The following SGCZ variants were observed in gnomAD, a reference collection of about 807,000 sequenced individuals.
The protein encoded by SGCZ is zeta-sarcoglycan.
In SGCZ, 40 loss-of-function variants were observed where a neutral mutation model predicts 41.3. The ratio of observed to expected loss-of-function variants is 0.97; its 90% CI spans 0.75 to 1.26. The LOEUF is 1.26. Ranked by LOEUF, SGCZ falls within the 50% of genes most tolerant of loss-of-function variation. The pLI, the probability that SGCZ is intolerant of heterozygous loss-of-function variation, is 0.00. For synonymous variants in SGCZ, 206 were observed against 137.5 expected, an observed-to-expected ratio of 1.50 and a Z score of -3.49; for missense variants, 552 against 369.8, an observed-to-expected ratio of 1.49 and a Z score of -4.04.
chr8:14,573,341 G>A (rs978268490), intron 1 of SGCZ, among the ~76,000 whole-genome samples: 1 of 151,706 alleles, frequency 6.6e-6, no homozygotes, highest in South Asian at 2.1e-4. Flanking sequence ...GGGACTACAG[G>A]AGCCCTCCAT....
chr8:14,321,788 T>C (rs1363439096), intron 3 of SGCZ, among the ~76,000 whole-genome samples: 2 of 152,126 alleles, frequency 1.3e-5, no homozygotes, highest in African/African-American at 4.8e-5. Flanking sequence ...AATTGTTGAC[T>C]ATATGAAAAT....
At chr8:15,090,605 G>T (rs956634625) in intron 1 of SGCZ, among the ~76,000 whole-genome samples, 1 of 152,066 alleles carries the variant, frequency 6.6e-6, no homozygotes, top group Non-Finnish European at 1.5e-5. Flanking sequence ...TAGTAATTAA[G>T]ATGAAGATTA....
chr8:14,285,894 T>TA (rs1800605720), intron 3 of SGCZ, among the ~76,000 whole-genome samples: 1 of 152,096 alleles, frequency 6.6e-6, no homozygotes, highest in Admixed American at 6.6e-5. Flanking sequence ...CAATTTTATG[T>TA]AAAAAAGGAG....
intron 1 of SGCZ, among the ~76,000 whole-genome samples, chr8:15,037,132 G>A (rs938781207): frequency 6.6e-6 from 1 of 152,120 alleles, no homozygotes; most frequent in Non-Finnish European, 1.5e-5. Flanking sequence ...GGGTTTGGCT[G>A]TGTCCCCACA....
intron 1 of SGCZ, among the ~76,000 whole-genome samples, chr8:15,156,703 G>T (rs938910510): frequency 5.9e-5 from 9 of 152,110 alleles, no homozygotes; most frequent in East Asian, 1.9e-4. Context: ...CAGCATTCTG[G>T]GAGTCCAAGG....
intron 4 of SGCZ, among the ~76,000 whole-genome samples, chr8:14,198,892 T>C (rs1443380274): frequency 6.6e-6 from 1 of 152,224 alleles, no homozygotes; most frequent in African/African-American, 2.4e-5. Context: ...TGATTTCCTA[T>C]GGCTGTCTTT....
intron 5 of SGCZ, among the ~76,000 whole-genome samples, chr8:14,139,663 C>A (rs892576855): frequency 1.3e-5 from 2 of 152,068 alleles, no homozygotes. Context: ...CCTGAATAGA[C>A]TAAAAACAGC....
chr8:14,845,769 T>A (rs1803079105), intron 1 of SGCZ, among the ~76,000 whole-genome samples: 1 of 151,952 alleles, frequency 6.6e-6, no homozygotes, highest in Admixed American at 6.6e-5. Context: ...GGTGCAGTAA[T>A]AAAAATATCC....
rs543248754 is a variant in SGCZ at position 14,592,836 on chromosome 8, A to G, written c.40-37910T>C. The stretch of plus-strand genomic sequence containing the variant: ...TGGCTCTTAGCAGTGTTCAGAGTTT[A>G]ATCAGACAGACTAGAAGACAAACAA... On this transcript the variant is annotated intron_variant, in intron 1 of 7. Transcript: ENST00000382080. Among the ~76,000 whole-genome samples, 14 of 152,304 alleles carry G rather than the reference A, an allele frequency of 9.2e-5. No homozygotes were observed. The East Asian group carries it at 2.3e-3, about 25-fold the overall frequency.
chr8:14,137,762 T>A (rs542008913), intron 5 of SGCZ, among the ~76,000 whole-genome samples: 1 of 152,186 alleles, frequency 6.6e-6, no homozygotes, highest in East Asian at 1.9e-4. Flanking sequence ...CTCTTCAGGA[T>A]ATTATCCAGG....
chr8:15,215,702 C>T (rs1801377890), intron 1 of SGCZ, among the ~76,000 whole-genome samples: 1 of 152,156 alleles, frequency 6.6e-6, no homozygotes, highest in African/African-American at 2.4e-5. Context: ...TTTGCTAAGG[C>T]AGTCTGACCC....
rs1309444715 is a variant in SGCZ, at chr8:14,624,531, T to C, written c.40-69605A>G. Among the ~76,000 whole-genome samples, 8 of 144,624 alleles carry C rather than the reference T, an allele frequency of 5.5e-5. No individual in the cohort carries two copies. In the Admixed American group the frequency reaches 5.6e-4, roughly 10 times the overall value. The allele number at this position is 144,624 out of a possible 152,430, so 94.9% of individuals were successfully genotyped here. On this transcript the variant is annotated intron_variant, in intron 1 of 7. Coordinates refer to ENST00000382080, the MANE Select transcript of SGCZ (RefSeq NM_139167.4). The stretch of plus-strand genomic sequence containing the variant: ...AAGGAATTGTAAAGAAACATAAATA[T>C]CACTCCCCAATTTTATTATTATTAT...
intron 1 of SGCZ, among the ~76,000 whole-genome samples, chr8:15,216,811 C>A (rs1801418354): frequency 6.6e-6 from 1 of 152,016 alleles, no homozygotes; most frequent in East Asian, 1.9e-4. Flanking sequence ...GAGAATAAAA[C>A]AGACTAGAAT....
rs181217012 is a variant in SGCZ, at chr8:14,520,380, G to A, written c.234+34352C>T. 5.2e-3 allele frequency among the ~76,000 whole-genome samples: 791 copies of A among 152,114 alleles called. 9 individuals are homozygous for A. Among genetic ancestry groups the A allele is most frequent in the South Asian group, 0.02 (97 of 4,810 alleles). ...CTCATACCAGCCCAGTAAAACTTGG[G>A]CATGTTATAATCTGTGGCAACTGAA... On this transcript the variant is annotated intron_variant, in intron 2 of 7. Coordinates refer to ENST00000382080, the MANE Select transcript of SGCZ (RefSeq NM_139167.4).
chr8:14,354,825 C>T (rs1275319352), intron 2 of SGCZ, among the ~76,000 whole-genome samples: 1 of 151,694 alleles, frequency 6.6e-6, no homozygotes, highest in Non-Finnish European at 1.5e-5. Flanking sequence ...ATGAATTCTT[C>T]ACACATGTTT....
chr8:14,128,525 T>G (rs933989996), intron 5 of SGCZ, among the ~76,000 whole-genome samples: 1 of 152,198 alleles, frequency 6.6e-6, no homozygotes, highest in African/African-American at 2.4e-5. Flanking sequence ...AGAATTATTC[T>G]TCAGTCCAGC....
chr8:14,201,137 A>T (rs1486127055), intron 4 of SGCZ, among the ~76,000 whole-genome samples: 1 of 152,174 alleles, frequency 6.6e-6, no homozygotes, highest in Non-Finnish European at 1.5e-5. Context: ...TTTGCTTTGG[A>T]TATAGAATGA....
chr8:14,523,997 A>T (rs1184261263), intron 2 of SGCZ, among the ~76,000 whole-genome samples: 1 of 152,016 alleles, frequency 6.6e-6, no homozygotes, highest in Admixed American at 6.6e-5. Context: ...TTATGTACTC[A>T]TCATTCTGCT....
At chr8:14,661,724 G>C (rs140517358) in intron 1 of SGCZ, among the ~76,000 whole-genome samples, 1 of 152,058 alleles carries the variant, frequency 6.6e-6, no homozygotes, top group African/African-American at 2.4e-5. Context: ...TCAAAAAGGA[G>C]AGTAGAGTAA....
Sources: allele counts gnomAD v4.1 joint callset (sites outside exome capture counted in the v4.1 genomes callset), GRCh38; gene constraint gnomAD v4.1.1; transcripts MANE v1.5; gene names NCBI Gene and HGNC (gene_info 2026-07-23, HGNC 2026-07-21).